FAT3: variants seen among roughly 807,000 people sequenced by gnomAD.
The protein encoded by FAT3 is protocadherin Fat 3.
Under a neutral mutation model 310.2 loss-of-function variants are expected in FAT3, and 95 were observed. That is an observed-to-expected ratio of 0.31 (90% confidence interval 0.26 to 0.36). The LOEUF (loss-of-function observed/expected upper bound fraction) is 0.36, where lower values mean the gene tolerates loss of function less well. FAT3 is among the 10% of genes least tolerant of loss of function. The probability of loss-of-function intolerance (pLI) is 1.00; values close to 1 mark genes in which losing one functional copy is unlikely to be tolerated. For missense variants in FAT3, 5,408 were observed against 5,715.6 expected (o/e 0.95, Z 1.74); for synonymous variants, 2,314 against 2,192.9 (o/e 1.06, Z -1.54).
intron 2 of FAT3, among the ~76,000 whole-genome samples, chr11:92,420,560 G>A (rs903532864): frequency 6.6e-6 from 1 of 152,172 alleles, no homozygotes; most frequent in Non-Finnish European, 1.5e-5. Flanking sequence ...GCAAGAATCA[G>A]CTCTCAGTCA....
intron 2 of FAT3, among the ~76,000 whole-genome samples, chr11:92,411,783 C>T (rs548471686): frequency 2.1e-4 from 32 of 151,450 alleles, no homozygotes; most frequent in Non-Finnish European, 4.3e-4. Flanking sequence ...CGTGTCTTCT[C>T]AAAAGCCTGT....
intron 3 of FAT3, among the ~76,000 whole-genome samples, chr11:92,612,065 A>G (rs577746419): frequency 6.6e-6 from 1 of 152,374 alleles, no homozygotes; most frequent in East Asian, 1.9e-4. Flanking sequence ...TACTAGGCAC[A>G]TTGGGAACAT....
intron 13 of FAT3, among the ~76,000 whole-genome samples, chr11:92,810,581 G>A (rs543760914): frequency 2.0e-5 from 3 of 152,216 alleles, no homozygotes; most frequent in Non-Finnish European, 2.9e-5. Flanking sequence ...CCAGTCCAAC[G>A]TGGATTTTTT....
chr11:92,567,656 A>C (rs1458675888), intron 3 of FAT3, among the ~76,000 whole-genome samples: 1 of 152,010 alleles, frequency 6.6e-6, no homozygotes, highest in Non-Finnish European at 1.5e-5. Context: ...ACAATGATAG[A>C]CTGGATTAAG....
chr11:92,450,416 T>C (rs1407844436), intron 2 of FAT3, among the ~76,000 whole-genome samples: 1 of 152,040 alleles, frequency 6.6e-6, no homozygotes, highest in African/African-American at 2.4e-5. Context: ...AGGGTAGGGA[T>C]TTATGGGTAT....
At chr11:92,811,970 T>C (rs1191615921) in intron 13 of FAT3, among the ~76,000 whole-genome samples, 2 of 152,216 alleles carry the variant, frequency 1.3e-5, no homozygotes, top group Non-Finnish European at 1.5e-5. Flanking sequence ...TACTGTGCCT[T>C]AGCCAGCATA....
intron 3 of FAT3, among the ~76,000 whole-genome samples, chr11:92,566,791 A>T (rs1289498913): frequency 3.3e-5 from 5 of 152,198 alleles, no homozygotes; most frequent in Admixed American, 6.5e-5. Flanking sequence ...ATGGGAAAGG[A>T]TTCCCTATTT....
chr11:92,449,001 G>T (rs917412151), intron 2 of FAT3, among the ~76,000 whole-genome samples: 1 of 152,060 alleles, frequency 6.6e-6, no homozygotes, highest in South Asian at 2.1e-4. Flanking sequence ...TTTATGCCAG[G>T]GCCTCTTGTG....
intron 3 of FAT3, among the ~76,000 whole-genome samples, chr11:92,640,780 C>T (rs183537597): frequency 4.3e-4 from 65 of 152,240 alleles, no homozygotes; most frequent in African/African-American, 1.5e-3. Flanking sequence ...TCTCAATTCC[C>T]ATTTTATGGG....
chr11:92,559,932 T>C (rs1202568141), intron 3 of FAT3, among the ~76,000 whole-genome samples: 1 of 152,230 alleles, frequency 6.6e-6, no homozygotes, highest in Admixed American at 6.5e-5. Flanking sequence ...ATATAAGTTT[T>C]GTATAGATAT....
intron 25 of FAT3, among the ~76,000 whole-genome samples, chr11:92,888,911 T>C (rs1949853387): frequency 6.6e-6 from 1 of 152,062 alleles, no homozygotes; most frequent in Non-Finnish European, 1.5e-5. Context: ...TCATGAGGGG[T>C]GACTTTATGA....
rs778731931 is a variant in FAT3, at chr11:92,837,682, T to A, written c.10244T>A (p.Leu3415His). Residue 3415 changes from leucine (L) to histidine (H), a missense_variant, in exon 17 of 28, where the codon CTT (leucine) becomes CAT (histidine). Physicochemically the swap from Leu to His is moderately conservative, Grantham distance 99. Around this residue, in one of 5 missense-constraint regions of FAT3, gnomAD observed 4,588 missense variants for 4,809.8 expected, o/e 0.95. Transcript: ENST00000525166. Reference protein sequence around the residue: ...DRERVSGYSLLVQAVDSGIPA... With the variant: ...DRERVSGYSLHVQAVDSGIPA... ...TGGCAGGTGTCTGGATACTCTCTGC[T>A]TGTCCAGGCCGTAGACAGTGGCATT... 52 of 1,613,808 alleles carry A rather than the reference T, an allele frequency of 3.2e-5. No individual in the cohort carries two copies. In the East Asian group the frequency reaches 1.1e-3, roughly 35 times the overall value.
intron 3 of FAT3, among the ~76,000 whole-genome samples, chr11:92,657,896 G>A (rs889577000): frequency 2.0e-5 from 3 of 152,004 alleles, no homozygotes; most frequent in Non-Finnish European, 2.9e-5. Context: ...GAAATTTCAC[G>A]TCCAATTCTG....
chr11:92,390,082 C>A (rs1408847900), intron 2 of FAT3, among the ~76,000 whole-genome samples: 2 of 151,788 alleles, frequency 1.3e-5, no homozygotes, highest in Non-Finnish European at 2.9e-5. Flanking sequence ...GTTTTAAAAG[C>A]AAAGTTTTTG....
chr11:92,891,084 G>T lies in FAT3; in HGVS notation c.13741G>T (p.Val4581Leu), dbSNP rs202002015. ...CCTCGCCAGCCTTCACATTCCCTTT[G>T]TGGAGACTCAGCATCAGACTCAAGT... is the stretch of plus-strand genomic sequence containing the variant. ...LSLASLHIPF[V>L]ETQHQTQV The change falls in exon 28 of 28, where the codon GTG becomes TTG. Residue 4581 changes from valine (V) to leucine (L), a missense_variant. Around this residue, in one of 5 missense-constraint regions of FAT3, gnomAD observed 649 missense variants for 666.2 expected, o/e 0.97. Coordinates refer to ENST00000525166, the MANE Select transcript of FAT3 (RefSeq NM_001367949.2). The T allele has an allele frequency of 4.0e-4, 648 of 1,613,608 alleles. 2 individuals are homozygous for T. The highest frequency in any genetic ancestry group is 3.6e-4 in the Non-Finnish European group (419 of 1,179,840).
intron 2 of FAT3, among the ~76,000 whole-genome samples, chr11:92,519,209 G>A (rs926941310): frequency 6.6e-6 from 1 of 152,114 alleles, no homozygotes; most frequent in African/African-American, 2.4e-5. Flanking sequence ...ACAGATTAAT[G>A]GGACAGAATG....
chr11:92,368,969 G>A (rs9667070), intron 2 of FAT3, among the ~76,000 whole-genome samples: 1 of 151,500 alleles, frequency 6.6e-6, no homozygotes, highest in Non-Finnish European at 1.5e-5. Context: ...CAGTATGTGT[G>A]TATGTGTATA....
In FAT3 at chr11:92,499,723, A is replaced by ATGTGTGTGTGTGTATGTGTGTGTG. The variant is rs376710960; in HGVS notation, c.3293-24898_3293-24897insATGTGTGTGTGTGTGTGTGTGTGT. Among the ~76,000 whole-genome samples, 739 of 127,806 alleles carry ATGTGTGTGTGTGTATGTGTGTGTG rather than the reference A, an allele frequency of 5.8e-3. 6 individuals carry two copies. Among genetic ancestry groups the ATGTGTGTGTGTGTATGTGTGTGTG allele is most frequent in the African/African-American group, 0.018 (703 of 38,126 alleles). The allele number at this position is 127,806 out of a possible 152,430, so 83.8% of individuals were successfully genotyped here. On this transcript the variant is annotated intron_variant, in intron 2 of 27. Transcript: ENST00000525166. ...ATCTTGTGTGTGTGTATGTGTGTGT[A>ATGTGTGTGTGTGTATGTGTGTGTG]TGTGTGTGTGTGTGTGTGTGTGTGT...
intron 2 of FAT3, among the ~76,000 whole-genome samples, chr11:92,467,339 C>A (rs561560048): frequency 4.6e-5 from 7 of 152,186 alleles, no homozygotes; most frequent in Non-Finnish European, 1.0e-4. Context: ...TGATGGTGAG[C>A]ATTTTTTCAT....
Sources: allele counts gnomAD v4.1 joint callset (sites outside exome capture counted in the v4.1 genomes callset), GRCh38; gene constraint gnomAD v4.1.1; regional missense constraint gnomAD v4.1.1; transcripts MANE v1.5; gene names NCBI Gene and HGNC (gene_info 2026-07-23, HGNC 2026-07-21).